Variants in CHRM3 observed in about 807,000 individuals in gnomAD.
CHRM3 encodes the protein muscarinic acetylcholine receptor M3.
Under a neutral mutation model 41.8 loss-of-function variants are expected in CHRM3, and 11 were observed. The observed-to-expected ratio is 0.26, with a 90% CI of 0.17 to 0.44. The LOEUF is 0.44. Ranked by LOEUF, CHRM3 falls within the 20% of genes least tolerant of loss-of-function variation. CHRM3 has a pLI of 1.00. For synonymous variants in CHRM3, 297 were observed against 301.4 expected, an observed-to-expected ratio of 0.99 and a Z score of 0.15; for missense variants, 571 against 745.4, an observed-to-expected ratio of 0.77 and a Z score of 2.72.
intron 3 of CHRM3, among the ~76,000 whole-genome samples, chr1:239,619,908 G>A (rs7512906): frequency 0.012 from 1,830 of 152,198 alleles, 42 homozygotes; most frequent in African/African-American, 0.042. Context: ...GTTGCTGAAA[G>A]GTTACCTGAA....
chr1:239,507,190 A>G (rs1283547481), intron 2 of CHRM3, among the ~76,000 whole-genome samples: 2 of 152,100 alleles, frequency 1.3e-5, no homozygotes, highest in Non-Finnish European at 2.9e-5. Context: ...TGATTTGTGA[A>G]GGGCCAGGTG....
intron 6 of CHRM3, among the ~76,000 whole-genome samples, chr1:239,899,195 C>T (rs1024928125): frequency 5.3e-5 from 8 of 151,674 alleles, no homozygotes; most frequent in Admixed American, 2.6e-4. Context: ...CATTCTGATA[C>T]GTCCTATTCA....
At chr1:239,580,332 A>T (rs1662760004) in intron 3 of CHRM3, among the ~76,000 whole-genome samples, 1 of 148,796 alleles carries the variant, frequency 6.7e-6, no homozygotes, top group Non-Finnish European at 1.5e-5. Flanking sequence ...ATATTCAACT[A>T]TTATTGTCAG....
At chr1:239,593,182 C>CT (rs747337267) in intron 3 of CHRM3, among the ~76,000 whole-genome samples, 8 of 152,112 alleles carry the variant, frequency 5.3e-5, no homozygotes, top group Non-Finnish European at 1.0e-4. Flanking sequence ...TGATTAGTAT[C>CT]TGTTTGCTCA....
rs561139011 is a variant in CHRM3 at position 239,727,180 on chromosome 1, T to C, written c.-147+48892T>C. On this transcript the variant is annotated intron_variant, in intron 5 of 6. Coordinates refer to ENST00000676153, the MANE Select transcript of CHRM3 (RefSeq NM_001375978.1). ...CCTACCCAGTAAATGTAAGTTACTGTCATGTTTCAATGCAGTTCTTAAATG... is the reference window on the plus strand; with the variant it reads ...CCTACCCAGTAAATGTAAGTTACTGCCATGTTTCAATGCAGTTCTTAAATG... Among the ~76,000 whole-genome samples, 5 of 152,038 alleles carry C rather than the reference T, an allele frequency of 3.3e-5. No homozygotes were observed. In the East Asian group the frequency reaches 5.8e-4, roughly 18 times the overall value.
At chr1:239,644,842 C>T (rs1423213200) in intron 4 of CHRM3, among the ~76,000 whole-genome samples, 1 of 152,194 alleles carries the variant, frequency 6.6e-6, no homozygotes, top group African/African-American at 2.4e-5. Flanking sequence ...ATACACAGGG[C>T]CCAGCAGGGT....
At position 239,774,315 on chromosome 1, in the gene CHRM3, G is replaced by C. The variant is rs141865809; in HGVS notation, c.-146-52937G>C. Among the ~76,000 whole-genome samples, 187 of 152,198 alleles carry C rather than the reference G, an allele frequency of 1.2e-3. 4 individuals carry two copies. In the South Asian group the frequency reaches 0.02, roughly 16 times the overall value. ...TAGATATAAATTGGGTACTTTTAAT[G>C]TATTTTAATAGTCGTAGTAGGAATA... is the stretch of plus-strand genomic sequence containing the variant. On this transcript the variant is annotated intron_variant, in intron 5 of 6. Coordinates refer to ENST00000676153, the MANE Select transcript of CHRM3 (RefSeq NM_001375978.1).
At chr1:239,807,856 A>ACG (rs1670784173) in intron 5 of CHRM3, among the ~76,000 whole-genome samples, 9 of 152,112 alleles carry the variant, frequency 5.9e-5, no homozygotes, top group South Asian at 2.1e-4. Flanking sequence ...ATACACACAC[A>ACG]CACGCACACA....
intron 5 of CHRM3, among the ~76,000 whole-genome samples, chr1:239,822,551 T>A (rs1275237309): frequency 6.6e-6 from 1 of 152,166 alleles, no homozygotes; most frequent in Non-Finnish European, 1.5e-5. Flanking sequence ...AAATAACTTT[T>A]ACAACTTGAA....
At chr1:239,813,422 A>G (rs184620505) in intron 5 of CHRM3, among the ~76,000 whole-genome samples, 2 of 152,260 alleles carry the variant, frequency 1.3e-5, no homozygotes, top group African/African-American at 2.4e-5. Flanking sequence ...GGCTAAGTCC[A>G]TAAGTCATTA....
At chr1:239,447,716 C>T (rs554980475) in intron 1 of CHRM3, among the ~76,000 whole-genome samples, 4 of 152,222 alleles carry the variant, frequency 2.6e-5, no homozygotes, top group Admixed American at 1.3e-4. Flanking sequence ...GCAGAAGTTG[C>T]GGTGAGCTGA....
chr1:239,645,330 G>A (rs1010964881), intron 4 of CHRM3, among the ~76,000 whole-genome samples: 7 of 152,210 alleles, frequency 4.6e-5, no homozygotes, highest in African/African-American at 1.7e-4. Flanking sequence ...AAGCCTTATA[G>A]TTAGGTTCGA....
Position 239,693,772 on chromosome 1 carries a change from A to T in CHRM3, c.-147+15484A>T, listed in dbSNP as rs1558460860. Among the ~76,000 whole-genome samples, 4 of 152,280 alleles carry T rather than the reference A, an allele frequency of 2.6e-5. No individual in the cohort carries two copies. The South Asian group carries it at 8.3e-4, about 32-fold the overall frequency. The stretch of plus-strand genomic sequence containing the variant: ...GACCGTGTCTTATTAGAGTGAAAAG[A>T]CACTTTGGATATGCCATGCAAGTGA... On this transcript the variant is annotated intron_variant, in intron 5 of 6. Coordinates refer to ENST00000676153, the MANE Select transcript of CHRM3 (RefSeq NM_001375978.1).
Position 239,394,617 on chromosome 1 carries a change from T to C in CHRM3, c.-521+7390T>C, listed in dbSNP as rs558469092. Among the ~76,000 whole-genome samples the C allele has an allele frequency of 7.2e-5, 11 of 152,282 alleles. No homozygotes were observed. In the East Asian group the frequency reaches 1.9e-3, roughly 27 times the overall value. On this transcript the variant is annotated intron_variant, in intron 1 of 6. Transcript: ENST00000676153. ...AACTTTTGGCTTTGGACCTCTCTCTTGTGTTAAACTGTGCAGTCTGTATGT... is the reference window on the plus strand; with the variant it reads ...AACTTTTGGCTTTGGACCTCTCTCTCGTGTTAAACTGTGCAGTCTGTATGT...
intron 1 of CHRM3, among the ~76,000 whole-genome samples, chr1:239,449,034 G>A (rs1039240256): frequency 6.6e-6 from 1 of 152,104 alleles, no homozygotes; most frequent in African/African-American, 2.4e-5. Flanking sequence ...TTAACACAAC[G>A]TCTCTGTTTA....
intron 1 of CHRM3, among the ~76,000 whole-genome samples, chr1:239,437,139 G>A (rs1663335676): frequency 6.6e-6 from 1 of 152,076 alleles, no homozygotes; most frequent in African/African-American, 2.4e-5. Flanking sequence ...TTAAGACAGG[G>A]AGGGTCACAC....
At chr1:239,394,186 C>A (rs1659285242) in intron 1 of CHRM3, among the ~76,000 whole-genome samples, 1 of 152,278 alleles carries the variant, frequency 6.6e-6, no homozygotes, top group East Asian at 1.9e-4. Context: ...GAAGTTTATT[C>A]TTTCACAATT....
intron 5 of CHRM3, among the ~76,000 whole-genome samples, chr1:239,758,146 A>T (rs190497861): frequency 2.0e-5 from 3 of 152,336 alleles, no homozygotes; most frequent in Middle Eastern, 3.4e-3. Flanking sequence ...GGCTGAGGGT[A>T]GGGAAAAGCT....
At position 239,465,702 on chromosome 1, in the gene CHRM3, A is replaced by G. The variant is rs192365947; in HGVS notation, c.-520-27007A>G. ...ATTTAGGTTCAGGTAATTCCTTATC[A>G]TATAATTCCGAACTTTTGAGTCTGA... On this transcript the variant is annotated intron_variant, in intron 1 of 6. Coordinates refer to ENST00000676153, the MANE Select transcript of CHRM3 (RefSeq NM_001375978.1). Among the ~76,000 whole-genome samples the G allele has an allele frequency of 1.2e-4, 18 of 152,290 alleles. No individual in the cohort carries two copies. The East Asian group carries it at 2.9e-3, about 25-fold the overall frequency.
Sources: gnomAD v4.1 joint callset for allele counts (sites outside exome capture counted in the v4.1 genomes callset) on GRCh38, gnomAD v4.1.1 for gene constraint, MANE v1.5 for transcripts, NCBI Gene and HGNC (gene_info 2026-07-23, HGNC 2026-07-21) for gene names.